The following ASIC4 variants were observed in gnomAD, a reference collection of about 807,000 sequenced individuals.
The protein encoded by ASIC4 is acid-sensing ion channel 4.
ASIC4 carries 28 observed loss-of-function variants against 53.4 expected under a neutral mutation model. That is an observed-to-expected ratio of 0.52 (90% CI 0.39 to 0.72). ASIC4 has a LOEUF of 0.72. Ranked by LOEUF, ASIC4 falls within the 30% of genes least tolerant of loss-of-function variation. The probability of loss-of-function intolerance (pLI) is 0.00; values close to 1 mark genes in which losing one functional copy is unlikely to be tolerated. For missense variants in ASIC4, 649 were observed against 729.7 expected (o/e 0.89, Z 1.27); for synonymous variants, 289 against 301.4 (o/e 0.96, Z 0.43).
At chr2:219,513,145 TG>T (rs574314481), upstream of ASIC4, among the ~76,000 whole-genome samples, 50 of 152,268 alleles carry the variant, frequency 3.3e-4, no homozygotes, top group Non-Finnish European at 6.2e-4. Context: ...TCTCAGCTGC[TG>T]GTTCTGCGGC....
chr2:219,535,373 T>G (rs1695116574), intron 6 of ASIC4, 49 bp downstream of exon 6: 2 of 1,496,576 alleles, frequency 1.3e-6, no homozygotes, highest in Admixed American at 2.1e-5. Context: ...TGTGTGTACG[T>G]GTGTGTGGGG....
At chr2:219,521,591 C>T (rs904269556) in intron 1 of ASIC4, among the ~76,000 whole-genome samples, 6 of 152,206 alleles carry the variant, frequency 3.9e-5, no homozygotes, top group African/African-American at 1.2e-4. Context: ...ACCCAAGCTA[C>T]TCAGTCCCCG....
intron 1 of ASIC4, among the ~76,000 whole-genome samples, chr2:219,519,510 C>T (rs1245059860): frequency 6.6e-6 from 1 of 152,234 alleles, no homozygotes; most frequent in Non-Finnish European, 1.5e-5. Context: ...TGCACGTGTG[C>T]ATAGGTGCAG....
At position 219,517,756 on chromosome 2, in the gene ASIC4, T is replaced by A. The variant is rs1247672278; in HGVS notation, c.582+2450T>A. ...AGGACCTGGAGTCAATGATGGGGAT[T>A]TGGGGTCTATGGTGGGGAGATGGGT... On this transcript the variant is annotated intron_variant, in intron 1 of 9. Transcript: ENST00000358078. This position sits in a 1 kb window ranked among gnomAD's most constrained non-coding sequence, Gnocchi z 4.2. Among the ~76,000 whole-genome samples the A allele has an allele frequency of 1.3e-5, 2 of 151,970 alleles. No individual in the cohort carries two copies. The highest frequency in any genetic ancestry group is 3.9e-4 in the East Asian group (2 of 5,178).
At position 219,515,402 on chromosome 2, in the gene ASIC4, G is replaced by A. The variant is rs191842925; in HGVS notation, c.582+96G>A. On this transcript the variant is annotated intron_variant, in intron 1 of 9. Coordinates refer to ENST00000358078, the MANE Select transcript of ASIC4 (RefSeq NM_018674.6). ...GTGGTGTACAGGGGCATCCTCAACA[G>A]GGCTTCCCTTCATTCCACCACCAGA... 2.0e-4 allele frequency: 293 copies of A among 1,440,588 alleles called. 4 individuals are homozygous for A. In the East Asian group the frequency reaches 6.7e-3, roughly 33 times the overall value. 89.2% of individuals were successfully genotyped at this position (1,440,588 alleles called of 1,614,324 possible).
chr2:219,532,855 T>G (rs1379916505), intron 4 of ASIC4, 28 bp from the exon 5 acceptor site: 1 of 1,604,472 alleles, frequency 6.2e-7, no homozygotes, highest in Admixed American at 1.7e-5. Flanking sequence ...TGATCGTAGA[T>G]TCCAGGAATA....
chr2:219,511,466 G>A (rs60671538), upstream of ASIC4, among the ~76,000 whole-genome samples: 203 of 151,578 alleles, frequency 1.3e-3, no homozygotes, highest in African/African-American at 4.8e-3. The surrounding 1 kb of genome is among the most constrained non-coding windows in gnomAD (Gnocchi z 5.3). Flanking sequence ...CTGTCAGGAA[G>A]CTCATCCCCT....
At chr2:219,533,892 G>A (rs1695083970) in intron 5 of ASIC4, 1 of 152,328 alleles carries the variant, frequency 6.6e-6, no homozygotes, top group Non-Finnish European at 1.5e-5. Flanking sequence ...AGTGAACTGG[G>A]TGTGGTGGTG....
chr2:219,522,400 G>T (rs1165310703), intron 1 of ASIC4, among the ~76,000 whole-genome samples: 2 of 146,278 alleles, frequency 1.4e-5, no homozygotes, highest in Non-Finnish European at 1.5e-5. Flanking sequence ...TGGGGTGGGG[G>T]CTGGGCAGGT....
In ASIC4 at chr2:219,531,893, A is replaced by G. The variant is rs1409469818; in HGVS notation, c.718A>G (p.Arg240Gly). ...GCAGGAGGAGTACCTGCCCATCTGG[A>G]GGGAGACAAGTACGCAGGCCGGAAA... ...IQQEEYLPIW[R>G]ETNETSFEAG... The change falls in exon 2 of 10, where the codon AGG becomes GGG. Residue 240 changes from arginine (R) to glycine (G), a missense_variant. Physicochemically the swap from Arg to Gly is moderately radical, Grantham distance 125. Transcript: ENST00000358078. 2.5e-6 allele frequency: 4 copies of G among 1,611,310 alleles called. No individual in the cohort carries two copies. The highest frequency in any genetic ancestry group is 2.5e-6 in the Non-Finnish European group (3 of 1,178,340).
At chr2:219,533,027 C>T (rs765960215) in intron 5 of ASIC4, 88 bp downstream of exon 5, 7 of 1,389,400 alleles carry the variant, frequency 5.0e-6, no homozygotes, top group Non-Finnish European at 7.2e-6. Flanking sequence ...ATCCTCCCCT[C>T]CCAATCTCTT....
chr2:219,522,787 C>G (rs1694908212), intron 1 of ASIC4, among the ~76,000 whole-genome samples: 1 of 152,094 alleles, frequency 6.6e-6, no homozygotes, highest in Non-Finnish European at 1.5e-5. Flanking sequence ...GTGGAAGCCT[C>G]TGGCGCTGCT....
rs1375099990 is a variant in ASIC4, at chr2:219,514,591, C to G, written c.-134C>G. On this transcript the variant is annotated 5_prime_UTR_variant, in exon 1 of 10. Coordinates refer to ENST00000358078, the MANE Select transcript of ASIC4 (RefSeq NM_018674.6). Reference sequence around the variant, plus strand: ...CCCACCTCGGGCCCCCACCCTGTCCCTGTCCTCTTCCCGCTTGCCCTGAGT... The same window carrying G: ...CCCACCTCGGGCCCCCACCCTGTCCGTGTCCTCTTCCCGCTTGCCCTGAGT... 6.3e-7 allele frequency: 1 copy of G among 1,592,760 alleles called. No individual in the cohort carries two copies. Among genetic ancestry groups the G allele is most frequent in the South Asian group, 1.1e-5 (1 of 88,398 alleles).
intron 3 of ASIC4, 26 bp from the exon 4 acceptor site, chr2:219,532,289 G>A (rs1482405583): frequency 6.2e-7 from 1 of 1,602,444 alleles, no homozygotes; most frequent in African/African-American, 1.3e-5. Context: ...TCCTGAGCAT[G>A]ACCTCATCAT....
chr2:219,535,541 GGTGT>G (rs982784775), intron 6 of ASIC4, among the ~76,000 whole-genome samples: 17 of 142,746 alleles, frequency 1.2e-4, no homozygotes, highest in African/African-American at 4.2e-4. Flanking sequence ...GTGTCTTGTG[GGTGT>G]GTGAGTGTGT....
At position 219,536,942 on chromosome 2, in the gene ASIC4, G is replaced by T; in HGVS notation, c.1230-124G>T. ...CTCCCCTCACAGCCTTGGGGAGTCC[G>T]GGGGGTAGTCACTGACTTCCCCATG... On this transcript the variant is annotated intron_variant, in intron 6 of 9. Coordinates refer to ENST00000358078, the MANE Select transcript of ASIC4 (RefSeq NM_018674.6). The surrounding 1 kb of genome is among the most constrained non-coding windows in gnomAD (Gnocchi z 4.6). 2 of 786,602 alleles carry T rather than the reference G, an allele frequency of 2.5e-6. No individual in the cohort carries two copies. The highest frequency in any genetic ancestry group is 2.6e-5 in the East Asian group (1 of 38,900). 48.7% of individuals were successfully genotyped at this position (786,602 alleles called of 1,614,324 possible).
At chr2:219,532,277 A>G (rs1333410084) in intron 3 of ASIC4, 38 bp from the exon 4 acceptor site, 1 of 1,599,556 alleles carries the variant, frequency 6.3e-7, no homozygotes, top group Middle Eastern at 1.7e-4. Flanking sequence ...ACTGGGTGGG[A>G]TTCCTGAGCA....
At chr2:219,535,348 G>GTC in intron 6 of ASIC4, 24 bp downstream of exon 6, 1 of 1,562,874 alleles carries the variant, frequency 6.4e-7, no homozygotes, top group Non-Finnish European at 8.7e-7. Context: ...TGTGTGGGGG[G>GTC]TGGCTGTGTG....
At chr2:219,509,493 G>A (rs984782212), upstream of ASIC4, among the ~76,000 whole-genome samples, 32 of 152,168 alleles carry the variant, frequency 2.1e-4, no homozygotes, top group Non-Finnish European at 4.3e-4. This position sits in a 1 kb window ranked among gnomAD's most constrained non-coding sequence, Gnocchi z 5.2. Context: ...GCAATTACCC[G>A]GCCCCGCCTG....
Sources: allele counts gnomAD v4.1 joint callset (sites outside exome capture counted in the v4.1 genomes callset), GRCh38; gene constraint gnomAD v4.1.1; non-coding constraint Gnocchi (gnomAD v3.1); transcripts MANE v1.5; gene names NCBI Gene and HGNC (gene_info 2026-07-23, HGNC 2026-07-21).